COL5A2: variants seen among roughly 807,000 people sequenced by gnomAD.
COL5A2 encodes the protein collagen alpha-2(V) chain.
In COL5A2, 23 loss-of-function variants were observed where a neutral mutation model predicts 208.2. The ratio of observed to expected loss-of-function variants is 0.11; its 90% CI spans 0.08 to 0.16. The LOEUF (loss-of-function observed/expected upper bound fraction) is 0.16. Ranked by LOEUF, COL5A2 falls within the 10% of genes least tolerant of loss-of-function variation. The pLI, the probability that COL5A2 is intolerant of heterozygous loss-of-function variation, is 1.00. For missense variants in COL5A2, 1,590 were observed against 1,956.4 expected, an observed-to-expected ratio of 0.81 and a Z score of 3.53; for synonymous variants, 625 against 628.5, an observed-to-expected ratio of 0.99 and a Z score of 0.08.
At chr2:189,415,242 C>CA in the COL5A2 span, among the ~76,000 whole-genome samples, 1 of 152,078 alleles carries the variant, frequency 6.6e-6, no homozygotes, top group South Asian at 2.1e-4. Context: ...ATTTTAACTT[C>CA]AGTTATTTAG....
At chr2:189,087,629 ATTT>A (rs528975622) in intron 8 of COL5A2, among the ~76,000 whole-genome samples, 31 of 120,596 alleles carry the variant, frequency 2.6e-4, no homozygotes, top group East Asian at 4.7e-4. Flanking sequence ...ATTGTTTTGT[ATTT>A]TTTTTTTTTT....
At chr2:189,203,888 C>G (rs1271311936) in intron 1 of COL5A2, among the ~76,000 whole-genome samples, 1 of 151,372 alleles carries the variant, frequency 6.6e-6, no homozygotes, top group East Asian at 1.9e-4. Flanking sequence ...GAACCATTTT[C>G]TTTTTTGTCT....
the COL5A2 span, among the ~76,000 whole-genome samples, chr2:189,304,545 C>T: frequency 2.6e-5 from 4 of 152,074 alleles, no homozygotes; most frequent in Non-Finnish European, 2.9e-5. Context: ...ATGGCAGGAG[C>T]GGAAGCCAGA....
Position 189,048,254 on chromosome 2 carries a change from A to T in COL5A2, c.3156T>A (p.Ala1052=). 6.2e-7 allele frequency: 1 copy of T among 1,613,990 alleles called. No individual in the cohort carries two copies. Among genetic ancestry groups the T allele is most frequent in the Non-Finnish European group, 8.5e-7 (1 of 1,179,882 alleles). ...PVGEPGPEGP[A]GNDGTPGRDG... ...CCCGTCCTGGGGTACCATCATTGCC[A>T]GCTGGACCCTATAAAGAATAATGGT... The change falls in exon 45 of 54, where the codon GCT becomes GCA. Residue 1052 remains alanine, a synonymous_variant. Coordinates refer to ENST00000374866, the MANE Select transcript of COL5A2 (RefSeq NM_000393.5).
At chr2:189,426,060 C>G in the COL5A2 span, among the ~76,000 whole-genome samples, 1 of 151,986 alleles carries the variant, frequency 6.6e-6, no homozygotes, top group African/African-American at 2.4e-5. Flanking sequence ...ATAAAGATAC[C>G]TGATAATGTG....
At chr2:189,103,766 G>C (rs1272536490) in intron 3 of COL5A2, among the ~76,000 whole-genome samples, 1 of 151,966 alleles carries the variant, frequency 6.6e-6, no homozygotes, top group East Asian at 1.9e-4. Context: ...TGTCTGTTTG[G>C]TAAAATGTTC....
At chr2:189,096,732 T>C (rs557276462) in intron 6 of COL5A2, among the ~76,000 whole-genome samples, 1 of 152,226 alleles carries the variant, frequency 6.6e-6, no homozygotes, top group East Asian at 1.9e-4. Context: ...TTATATAATA[T>C]CCTCATGTTT....
intron 1 of COL5A2, among the ~76,000 whole-genome samples, chr2:189,187,671 G>A (rs1688869570): frequency 6.6e-6 from 1 of 152,100 alleles, no homozygotes; most frequent in South Asian, 2.1e-4. Context: ...TGTGTCATTA[G>A]TTTAAAATGT....
At chr2:189,293,862 C>G in the COL5A2 span, among the ~76,000 whole-genome samples, 259 of 152,170 alleles carry the variant, frequency 1.7e-3, 1 homozygote, top group African/African-American at 5.6e-3. Flanking sequence ...AAGGCGGGCA[C>G]ATCACAAGGT....
At chr2:189,139,419 G>A (rs1370770541) in intron 1 of COL5A2, among the ~76,000 whole-genome samples, 1 of 152,014 alleles carries the variant, frequency 6.6e-6, no homozygotes, top group Non-Finnish European at 1.5e-5. Context: ...CATCCTAATT[G>A]AGGGACATGG....
chr2:189,240,060 C>T, the COL5A2 span, among the ~76,000 whole-genome samples: 2 of 152,002 alleles, frequency 1.3e-5, no homozygotes, highest in South Asian at 4.2e-4. Context: ...ACAACAAAAA[C>T]CAAAAACCAA....
intron 1 of COL5A2, among the ~76,000 whole-genome samples, chr2:189,187,696 C>A (rs559789096): frequency 1.3e-5 from 2 of 152,198 alleles, no homozygotes; most frequent in African/African-American, 2.4e-5. Context: ...ATTGGCCGGG[C>A]GCGGTGGCTC....
At chr2:189,190,186 A>G (rs1468417833) in intron 1 of COL5A2, among the ~76,000 whole-genome samples, 1 of 152,166 alleles carries the variant, frequency 6.6e-6, no homozygotes, top group African/African-American at 2.4e-5. Context: ...GTACTATTTT[A>G]ATGTTTTCTT....
At chr2:189,112,669 C>T (rs1422030560) in intron 1 of COL5A2, among the ~76,000 whole-genome samples, 1 of 152,168 alleles carries the variant, frequency 6.6e-6, no homozygotes, top group African/African-American at 2.4e-5. Flanking sequence ...ACTTGTATCA[C>T]ATAATACATA....
chr2:189,435,800 C>T, the COL5A2 span, among the ~76,000 whole-genome samples: 8 of 152,130 alleles, frequency 5.3e-5, no homozygotes, highest in African/African-American at 1.9e-4. Context: ...CTAGAAATAC[C>T]ATTTGACCCA....
chr2:189,209,076 A>G (rs1689176991), intron 1 of COL5A2, among the ~76,000 whole-genome samples: 2 of 152,060 alleles, frequency 1.3e-5, no homozygotes, highest in African/African-American at 2.4e-5. Context: ...TTAATCTTCT[A>G]CTTTCTGAAA....
At chr2:189,149,973 CA>C (rs555635624) in intron 1 of COL5A2, among the ~76,000 whole-genome samples, 4 of 152,104 alleles carry the variant, frequency 2.6e-5, no homozygotes, top group Middle Eastern at 3.2e-3. Context: ...TGTCTTATGG[CA>C]ATATAATTTC....
chr2:189,141,570 A>C (rs1687935170), intron 1 of COL5A2, among the ~76,000 whole-genome samples: 1 of 152,180 alleles, frequency 6.6e-6, no homozygotes, highest in African/African-American at 2.4e-5. Flanking sequence ...ATTTCCTCTT[A>C]CCAAAAAATG....
the COL5A2 span, among the ~76,000 whole-genome samples, chr2:189,236,855 GTTC>G: frequency 4.0e-5 from 6 of 151,708 alleles, no homozygotes; most frequent in Non-Finnish European, 8.8e-5. Flanking sequence ...ATGATAATAA[GTTC>G]TTAACTTTAA....
Sources: allele counts gnomAD v4.1 joint callset (sites outside exome capture counted in the v4.1 genomes callset), GRCh38; gene constraint gnomAD v4.1.1; transcripts MANE v1.5; gene names NCBI Gene and HGNC (gene_info 2026-07-23, HGNC 2026-07-21).